Variants in RSF1 observed in about 807,000 individuals in gnomAD.
RSF1 encodes the protein remodeling and spacing factor 1, also known as HBV pX-associated protein 8.
RSF1 carries 13 observed loss-of-function variants against 145.2 expected under a neutral mutation model. The observed-to-expected ratio is 0.09, with a 90% confidence interval of 0.06 to 0.14. RSF1 has a LOEUF of 0.14. RSF1 is among the 10% of genes least tolerant of loss of function. The probability of loss-of-function intolerance (pLI) is 1.00; values close to 1 mark genes in which losing one functional copy is unlikely to be tolerated. For synonymous variants in RSF1, 577 were observed against 592.6 expected (o/e 0.97, Z 0.38); for missense variants, 1,517 against 1,718.2 (o/e 0.88, Z 2.07).
chr11:77,797,196 T>C (rs1375850879), intron 1 of RSF1, among the ~76,000 whole-genome samples: 2 of 152,202 alleles, frequency 1.3e-5, no homozygotes, highest in Non-Finnish European at 2.9e-5. Flanking sequence ...AGAGCCTGCA[T>C]AGCCAAGACA....
Position 77,813,379 on chromosome 11 carries a change from T to G in RSF1, c.187+7149A>C, listed in dbSNP as rs986227000. ...CCGGCTCAAACTGATGGAAGCAATCTGCTTAACAATCTCAGAAGGACTGTG... is the reference window on the plus strand; with the variant it reads ...CCGGCTCAAACTGATGGAAGCAATCGGCTTAACAATCTCAGAAGGACTGTG... On this transcript the variant is annotated intron_variant, in intron 1 of 15. Transcript: ENST00000308488. 2.9e-6 allele frequency: 3 copies of G among 1,049,966 alleles called. No individual in the cohort carries two copies. The African/African-American group carries it at 4.7e-5, about 16-fold the overall frequency. The allele number at this position is 1,049,966 out of a possible 1,614,324, so 65.0% of individuals were successfully genotyped here.
At chr11:77,802,919 T>A (rs1233913948) in intron 1 of RSF1, among the ~76,000 whole-genome samples, 1 of 152,154 alleles carries the variant, frequency 6.6e-6, no homozygotes, top group Admixed American at 6.5e-5. Context: ...GCCTCTCCAG[T>A]GCCTCTCACT....
At chr11:77,770,882 T>A (rs188904250) in intron 1 of RSF1, among the ~76,000 whole-genome samples, 1 of 152,202 alleles carries the variant, frequency 6.6e-6, no homozygotes, top group African/African-American at 2.4e-5. Context: ...ACAAGGCCTC[T>A]ATAAGATGAA....
chr11:77,665,695 G>A lies in RSF1; in HGVS notation c.*1222C>T, dbSNP rs1451885058. 1 of 152,010 alleles carries A rather than the reference G, an allele frequency of 6.6e-6. No individual in the cohort carries two copies. The highest frequency in any genetic ancestry group is 1.5e-5 in the Non-Finnish European group (1 of 68,026). The allele number at this position is 152,010 out of a possible 1,614,324, so 9.4% of individuals were successfully genotyped here. A position where few individuals can be genotyped will look rare whatever the true frequency, so the allele number is the denominator to read the frequency against. ...TAATGAATTTTAATAGAAGTCTAAT[G>A]GCCAAAGGCCAAAACTACATTCAAA... On this transcript the variant is annotated 3_prime_UTR_variant, in exon 16 of 16. Coordinates refer to ENST00000308488, the MANE Select transcript of RSF1 (RefSeq NM_016578.4).
Position 77,702,569 on chromosome 11 carries a change from T to C in RSF1, c.734-74A>G, listed in dbSNP as rs1384751260. The C allele has an allele frequency of 3.3e-6, 3 of 902,808 alleles. No individual in the cohort carries two copies. In the East Asian group the frequency reaches 9.4e-5, roughly 28 times the overall value. The allele number at this position is 902,808 out of a possible 1,614,324, so 55.9% of individuals were successfully genotyped here. On this transcript the variant is annotated intron_variant, in intron 5 of 15. Transcript: ENST00000308488. ...ATAAAATATAAGACTTAGTATAATG[T>C]ATATTTCCATTTAAAGTTTCTATTT...
At position 77,666,820 on chromosome 11, in the gene RSF1, T is replaced by C; in HGVS notation, c.*97A>G. The C allele has an allele frequency of 9.9e-7, 1 of 1,006,818 alleles. No homozygotes were observed. The highest frequency in any genetic ancestry group is 1.4e-6 in the Non-Finnish European group (1 of 704,072). The allele number at this position is 1,006,818 out of a possible 1,614,324, so 62.4% of individuals were successfully genotyped here. ...TTTTCTTCTAAAAGTCATTCTGTAG[T>C]GGAGTTTTCTAGGAAAAATTAAACA... is the stretch of plus-strand genomic sequence containing the variant. On this transcript the variant is annotated 3_prime_UTR_variant, in exon 16 of 16. Coordinates refer to ENST00000308488, the MANE Select transcript of RSF1 (RefSeq NM_016578.4).
intron 4 of RSF1, among the ~76,000 whole-genome samples, chr11:77,735,598 G>GA (rs1276921981): frequency 6.6e-6 from 1 of 151,654 alleles, no homozygotes; most frequent in African/African-American, 2.4e-5. Flanking sequence ...ATTGTTTTAA[G>GA]AAAAAACAAG....
the RSF1 span, among the ~76,000 whole-genome samples, chr11:77,832,951 A>ATGTGTGTGTGTG: frequency 1.5e-5 from 1 of 68,418 alleles, no homozygotes; most frequent in Non-Finnish European, 2.6e-5. Context: ...GTATATATAT[A>ATGTGTGTGTGTG]TGTGTGTGTG....
At chr11:77,809,637 A>G (rs899871549) in intron 1 of RSF1, among the ~76,000 whole-genome samples, 1 of 152,248 alleles carries the variant, frequency 6.6e-6, no homozygotes, top group African/African-American at 2.4e-5. Flanking sequence ...GTCTGAATTC[A>G]GATGCCAGAC....
the RSF1 span, among the ~76,000 whole-genome samples, chr11:77,833,899 G>A: frequency 6.6e-6 from 1 of 152,086 alleles, no homozygotes; most frequent in Non-Finnish European, 1.5e-5. Flanking sequence ...TATTCTGCCA[G>A]CTCTTAGCAC....
intron 11 of RSF1, among the ~76,000 whole-genome samples, chr11:77,679,105 A>G (rs1959791127): frequency 6.6e-6 from 1 of 152,250 alleles, no homozygotes; most frequent in Non-Finnish European, 1.5e-5. Flanking sequence ...AGCTACGGAC[A>G]ACATGTAAGT....
At chr11:77,738,581 T>C (rs1233953288) in intron 4 of RSF1, 1 of 152,214 alleles carries the variant, frequency 6.6e-6, no homozygotes, top group Non-Finnish European at 1.5e-5. Context: ...TGTCTACAGA[T>C]GGTAAGTGGA....
At chr11:77,667,538 C>G (rs1481419204) in intron 15 of RSF1, 47 bp from the exon 16 acceptor site, 1 of 1,506,708 alleles carries the variant, frequency 6.6e-7, no homozygotes, top group Non-Finnish European at 9.0e-7. Flanking sequence ...TAACCATAAA[C>G]GAATTTAATT....
intron 2 of RSF1, among the ~76,000 whole-genome samples, chr11:77,758,535 T>C (rs1284203967): frequency 1.3e-5 from 2 of 152,214 alleles, no homozygotes; most frequent in Non-Finnish European, 2.9e-5. Flanking sequence ...CTCCCTTCCA[T>C]AGCAGCTGTA....
intron 5 of RSF1, chr11:77,703,218 A>G (rs1419601352): frequency 6.6e-6 from 1 of 152,198 alleles, no homozygotes; most frequent in Non-Finnish European, 1.5e-5. Flanking sequence ...AGTTAGTACT[A>G]TACAAAGAAA....
At chr11:77,846,451 G>A in the RSF1 span, among the ~76,000 whole-genome samples, 11 of 152,206 alleles carry the variant, frequency 7.2e-5, no homozygotes, top group African/African-American at 1.2e-4. Context: ...AAACCCCATC[G>A]TCTCCTCAAC....
intron 1 of RSF1, among the ~76,000 whole-genome samples, chr11:77,818,139 CCTT>C (rs1948799924): frequency 6.6e-6 from 1 of 152,272 alleles, no homozygotes; most frequent in South Asian, 2.1e-4. Flanking sequence ...AATAAATGAT[CCTT>C]CTTAGCCCAG....
intron 5 of RSF1, among the ~76,000 whole-genome samples, chr11:77,710,981 T>A (rs566803653): frequency 3.3e-5 from 5 of 152,224 alleles, no homozygotes; most frequent in South Asian, 2.1e-4. Context: ...CTGATTTTTT[T>A]AATTGGTTTA....
rs1960308943 is a variant in RSF1 at position 77,697,496 on chromosome 11, AAATAT to A, written c.2715+986_2715+990del. ...TTTATATATAATATATAATATATAT[AAATAT>A]ATTATATAAAATATATTTATATATA... is the stretch of plus-strand genomic sequence containing the variant. On this transcript the variant is annotated intron_variant, in intron 7 of 15. Transcript: ENST00000308488. Among the ~76,000 whole-genome samples the A allele has an allele frequency of 2.5e-5, 3 of 121,974 alleles. No homozygotes were observed. In the South Asian group the frequency reaches 7.0e-4, roughly 29 times the overall value. 80.0% of individuals were successfully genotyped at this position (121,974 alleles called of 152,430 possible).
Sources: allele counts gnomAD v4.1 joint callset (sites outside exome capture counted in the v4.1 genomes callset), GRCh38; gene constraint gnomAD v4.1.1; transcripts MANE v1.5; gene names NCBI Gene and HGNC (gene_info 2026-07-23, HGNC 2026-07-21).